The following DOK5 variants were observed in gnomAD, a reference collection of about 807,000 sequenced individuals.
DOK5 encodes downstream of tyrosine kinase 5.
Under a neutral mutation model 43.3 loss-of-function variants are expected in DOK5, and 27 were observed. The ratio of observed to expected loss-of-function variants is 0.62; its 90% CI spans 0.46 to 0.86. DOK5 has a LOEUF of 0.86. DOK5 is among the 40% of genes least tolerant of loss of function. The pLI, the probability that DOK5 is intolerant of heterozygous loss-of-function variation, is 0.00. For missense variants in DOK5, 373 were observed against 392.9 expected (o/e 0.95, Z 0.43); for synonymous variants, 146 against 140.1 (o/e 1.04, Z -0.30).
chr20:54,544,475 C>G (rs531696382), intron 1 of DOK5, among the ~76,000 whole-genome samples: 1 of 152,264 alleles, frequency 6.6e-6, no homozygotes, highest in Non-Finnish European at 1.5e-5. Context: ...CTTTCTTGGC[C>G]TCAGAGATCA....
intron 2 of DOK5, among the ~76,000 whole-genome samples, chr20:54,558,300 C>T (rs6014052): frequency 0.16 from 24,262 of 152,176 alleles, 2,111 homozygotes; most frequent in African/African-American, 0.25. Flanking sequence ...TGCTCTATTT[C>T]AGACTTCTAC....
intron 1 of DOK5, among the ~76,000 whole-genome samples, chr20:54,487,599 T>C (rs1486833911): frequency 6.6e-6 from 1 of 152,146 alleles, no homozygotes; most frequent in Non-Finnish European, 1.5e-5. Context: ...TGCAGACCAG[T>C]GTACTTATTT....
At chr20:54,583,267 A>C (rs1050530928) in intron 2 of DOK5, among the ~76,000 whole-genome samples, 1 of 151,866 alleles carries the variant, frequency 6.6e-6, no homozygotes, top group East Asian at 1.9e-4. Context: ...GTTTTATTCT[A>C]TTGTGGTAAG....
intron 6 of DOK5, among the ~76,000 whole-genome samples, chr20:54,637,351 A>G (rs946761289): frequency 6.6e-6 from 1 of 152,252 alleles, no homozygotes; most frequent in Admixed American, 6.5e-5. Context: ...GGAAAGTTCA[A>G]GTGTTGAAGT....
intron 2 of DOK5, among the ~76,000 whole-genome samples, chr20:54,564,182 G>A (rs1985011599): frequency 6.6e-6 from 1 of 152,126 alleles, no homozygotes; most frequent in Admixed American, 6.5e-5. Flanking sequence ...CCAGCACTTT[G>A]GGAGGCTGAG....
At chr20:54,553,687 G>A (rs1984610541) in intron 1 of DOK5, among the ~76,000 whole-genome samples, 1 of 150,540 alleles carries the variant, frequency 6.6e-6, no homozygotes. Flanking sequence ...ATGAGGTGAG[G>A]AGTTTGAGTC....
intron 5 of DOK5, among the ~76,000 whole-genome samples, chr20:54,592,420 C>T (rs1038816829): frequency 6.6e-6 from 1 of 152,028 alleles, no homozygotes; most frequent in Non-Finnish European, 1.5e-5. Flanking sequence ...GTATAGTAAC[C>T]AAGCCAGTAG....
chr20:54,622,262 T>C (rs1249768132), intron 6 of DOK5, among the ~76,000 whole-genome samples: 1 of 151,962 alleles, frequency 6.6e-6, no homozygotes, highest in Admixed American at 6.6e-5. Context: ...CATTTACTAA[T>C]AGACATTTAA....
intron 7 of DOK5, among the ~76,000 whole-genome samples, chr20:54,648,558 G>A (rs1600768709): frequency 6.6e-6 from 1 of 152,060 alleles, no homozygotes; most frequent in South Asian, 2.1e-4. Context: ...TCTCCATAGA[G>A]AGGTCAGCAA....
chr20:54,480,215 C>A (rs530697231), intron 1 of DOK5, among the ~76,000 whole-genome samples: 1 of 152,268 alleles, frequency 6.6e-6, no homozygotes, highest in South Asian at 2.1e-4. Flanking sequence ...AGACTGAAAC[C>A]TACTGGGCTA....
chr20:54,564,269 AC>A (rs1322350024), intron 2 of DOK5, among the ~76,000 whole-genome samples: 4 of 152,242 alleles, frequency 2.6e-5, no homozygotes, highest in Non-Finnish European at 1.5e-5. Context: ...TAAAAAAAAT[AC>A]AAAAAACAAA....
intron 6 of DOK5, among the ~76,000 whole-genome samples, chr20:54,631,501 A>G (rs1978565918): frequency 6.6e-6 from 1 of 152,086 alleles, no homozygotes; most frequent in African/African-American, 2.4e-5. Flanking sequence ...GCAGCCAGCC[A>G]GGCTATCTGG....
chr20:54,481,192 C>T (rs752906577), intron 1 of DOK5, among the ~76,000 whole-genome samples: 10 of 148,344 alleles, frequency 6.7e-5, no homozygotes, highest in Non-Finnish European at 7.4e-5. Context: ...ATTTTTTTGG[C>T]GGAGTCTTGC....
At chr20:54,589,854 G>A (rs1985927446) in intron 4 of DOK5, among the ~76,000 whole-genome samples, 1 of 152,106 alleles carries the variant, frequency 6.6e-6, no homozygotes, top group East Asian at 1.9e-4. Flanking sequence ...AAATGTTATT[G>A]ACCGAGACCT....
At chr20:54,506,633 C>T (rs1982815138) in intron 1 of DOK5, among the ~76,000 whole-genome samples, 1 of 152,102 alleles carries the variant, frequency 6.6e-6, no homozygotes, top group African/African-American at 2.4e-5. Context: ...CTAATTTTTA[C>T]AAACTTCTTG....
intron 1 of DOK5, among the ~76,000 whole-genome samples, chr20:54,503,854 G>A (rs1212854222): frequency 6.6e-6 from 1 of 152,184 alleles, no homozygotes; most frequent in Non-Finnish European, 1.5e-5. Context: ...AAGACAAACT[G>A]CAGCCTATGA....
chr20:54,488,782 G>A (rs369811651), intron 1 of DOK5, among the ~76,000 whole-genome samples: 41 of 54,070 alleles, frequency 7.6e-4, no homozygotes, highest in African/African-American at 1.5e-3. Context: ...CCCTCCCCTC[G>A]TCCCTCCCTC....
intron 1 of DOK5, among the ~76,000 whole-genome samples, chr20:54,541,114 G>A (rs1984144575): frequency 6.6e-6 from 1 of 152,160 alleles, no homozygotes; most frequent in Admixed American, 6.5e-5. Context: ...CCACTTGCGT[G>A]AGCTAAACAT....
chr20:54,624,503 G>C (rs537561712), intron 6 of DOK5, among the ~76,000 whole-genome samples: 1 of 152,278 alleles, frequency 6.6e-6, no homozygotes, highest in South Asian at 2.1e-4. Flanking sequence ...ATAAGTTATT[G>C]TGTGAGCCAA....
Sources: gnomAD v4.1 joint callset for allele counts (sites outside exome capture counted in the v4.1 genomes callset) on GRCh38, gnomAD v4.1.1 for gene constraint, MANE v1.5 for transcripts, NCBI Gene and HGNC (gene_info 2026-07-23, HGNC 2026-07-21) for gene names.